RAD54B: variants seen among roughly 807,000 people sequenced by gnomAD.
The protein encoded by RAD54B is DNA repair and recombination protein RAD54B.
Under a neutral mutation model 95.8 loss-of-function variants are expected in RAD54B, and 78 were observed. That is an observed-to-expected ratio of 0.81 (90% confidence interval 0.68 to 0.98). The LOEUF is 0.98. Among genes scored for constraint, RAD54B ranks in the 50% least tolerant of loss-of-function variants. RAD54B has a pLI of 0.00. For synonymous variants in RAD54B, 328 were observed against 354.9 expected (o/e 0.92, Z 0.85); for missense variants, 957 against 1,056.6 (o/e 0.91, Z 1.31).
At chr8:94,442,368 C>A (rs1019108688) in intron 3 of RAD54B, among the ~76,000 whole-genome samples, 10 of 150,596 alleles carry the variant, frequency 6.6e-5, no homozygotes, top group African/African-American at 1.7e-4. Flanking sequence ...GGTCAGGAAT[C>A]AAGACCATCC....
At chr8:94,440,201 T>A (rs970494633) in intron 3 of RAD54B, among the ~76,000 whole-genome samples, 62 of 147,686 alleles carry the variant, frequency 4.2e-4, no homozygotes, top group Non-Finnish European at 7.7e-4. Flanking sequence ...TAGGCAAGAT[T>A]AAAAAAAAAA....
chr8:94,471,158 C>G (rs1209777104), intron 1 of RAD54B, among the ~76,000 whole-genome samples: 1 of 151,656 alleles, frequency 6.6e-6, no homozygotes, highest in African/African-American at 2.4e-5. Flanking sequence ...TCCCTCTGAG[C>G]TATTAACTCA....
chr8:94,434,280 C>T (rs3019154), intron 3 of RAD54B, among the ~76,000 whole-genome samples: 61,557 of 151,426 alleles, frequency 0.41, 12,668 homozygotes, highest in Admixed American at 0.51. Context: ...AAATATGCCT[C>T]ATATCTGGAA....
At chr8:94,411,048 C>T in intron 4 of RAD54B, 73 bp downstream of exon 4, 1 of 1,186,476 alleles carries the variant, frequency 8.4e-7, no homozygotes, top group Non-Finnish European at 1.2e-6. Flanking sequence ...AACCCAATTA[C>T]ATTTCAATTA....
intron 3 of RAD54B, among the ~76,000 whole-genome samples, chr8:94,426,051 C>G (rs1811934736): frequency 6.6e-6 from 1 of 152,110 alleles, no homozygotes; most frequent in Non-Finnish European, 1.5e-5. Flanking sequence ...CTCCCAGATT[C>G]AAGCAATTTT....
At chr8:94,376,837 G>C (rs1810587916) in intron 14 of RAD54B, among the ~76,000 whole-genome samples, 1 of 150,286 alleles carries the variant, frequency 6.7e-6, no homozygotes, top group African/African-American at 2.4e-5. Flanking sequence ...TGTACCTAAA[G>C]AGAAACATTT....
chr8:94,395,851 AC>A (rs1811130414), intron 8 of RAD54B, among the ~76,000 whole-genome samples: 1 of 152,200 alleles, frequency 6.6e-6, no homozygotes, highest in Non-Finnish European at 1.5e-5. Context: ...AGAGCAGAAG[AC>A]ATAACCAGAA....
At chr8:94,414,034 C>T (rs1811594158) in intron 3 of RAD54B, among the ~76,000 whole-genome samples, 2 of 151,956 alleles carry the variant, frequency 1.3e-5, no homozygotes, top group South Asian at 4.2e-4. Context: ...CGGGGTTTCA[C>T]CAGGTTGGCC....
intron 3 of RAD54B, among the ~76,000 whole-genome samples, chr8:94,418,053 A>G (rs1811717678): frequency 6.6e-6 from 1 of 152,194 alleles, no homozygotes; most frequent in Non-Finnish European, 1.5e-5. Flanking sequence ...TTCCTTCCCT[A>G]ATGAGAGTGT....
At chr8:94,420,627 T>G (rs1811782292) in intron 3 of RAD54B, among the ~76,000 whole-genome samples, 1 of 151,992 alleles carries the variant, frequency 6.6e-6, no homozygotes, top group Non-Finnish European at 1.5e-5. Context: ...GTCAAGATTA[T>G]TATGTAATAT....
At position 94,387,150 on chromosome 8, in the gene RAD54B, AT is replaced by A. The variant is rs1375196976; in HGVS notation, c.1818del (p.Glu606AspfsTer19). The A allele has an allele frequency of 6.3e-7, 1 of 1,589,020 alleles. No individual in the cohort carries two copies. Among genetic ancestry groups the A allele is most frequent in the Non-Finnish European group, 8.5e-7 (1 of 1,171,838 alleles). ...CLLFNSIKEKECSSTCDKNEE... is the reference protein window; with the variant it reads ...CLLFNSIKEKXCSSTCDKNEE... ...TCATTTTTATCACAAGTTGAGCTAC[AT>A]TCCTTTTCCTATTCAAAATGATGAT... On this transcript the variant is annotated frameshift_variant, in exon 11 of 15. Transcript: ENST00000336148. LOFTEE classifies it high-confidence loss of function.
intron 3 of RAD54B, chr8:94,432,767 A>G (rs1812146131): frequency 2.3e-6 from 3 of 1,288,724 alleles, no homozygotes; most frequent in Non-Finnish European, 3.0e-6. Context: ...TTAAAACTAT[A>G]AAGTTACAAA....
At chr8:94,439,402 C>T (rs1213418289) in intron 3 of RAD54B, among the ~76,000 whole-genome samples, 1 of 152,160 alleles carries the variant, frequency 6.6e-6, no homozygotes, top group Non-Finnish European at 1.5e-5. Context: ...CTACTCCAGG[C>T]AGCATTAAAA....
chr8:94,431,687 A>T (rs760523832), intron 3 of RAD54B: 69 of 983,016 alleles, frequency 7.0e-5, no homozygotes, highest in Non-Finnish European at 7.4e-5. Flanking sequence ...CCTTCAAAAG[A>T]TAAAAGCATA....
intron 3 of RAD54B, chr8:94,431,969 A>G: frequency 1.5e-6 from 2 of 1,303,314 alleles, no homozygotes; most frequent in Non-Finnish European, 9.8e-7. Flanking sequence ...GTAAATTTTA[A>G]TATCTCAAAA....
chr8:94,464,732 C>T (rs1214095419), intron 2 of RAD54B, among the ~76,000 whole-genome samples: 1 of 152,018 alleles, frequency 6.6e-6, no homozygotes, highest in Non-Finnish European at 1.5e-5. Flanking sequence ...TAAAGGAATA[C>T]CTGAGACAGG....
chr8:94,445,834 A>C (rs1379288916), intron 3 of RAD54B, among the ~76,000 whole-genome samples: 1 of 152,108 alleles, frequency 6.6e-6, no homozygotes, highest in Admixed American at 6.6e-5. Flanking sequence ...CTTAGGCTTA[A>C]GTACATTAAT....
chr8:94,456,333 T>C (rs1353927806), intron 3 of RAD54B, among the ~76,000 whole-genome samples: 1 of 152,188 alleles, frequency 6.6e-6, no homozygotes, highest in African/African-American at 2.4e-5. Flanking sequence ...AAACTGAAAC[T>C]AGCTTAAGCA....
At chr8:94,458,910 C>T (rs77113486) in intron 2 of RAD54B, among the ~76,000 whole-genome samples, 15,513 of 151,772 alleles carry the variant, frequency 0.1, 1,509 homozygotes, top group African/African-American at 0.24. Context: ...ATTTTTATTG[C>T]TTGTTTTTAG....
Sources: allele counts gnomAD v4.1 joint callset (sites outside exome capture counted in the v4.1 genomes callset), GRCh38; gene constraint gnomAD v4.1.1; transcripts MANE v1.5; gene names NCBI Gene and HGNC (gene_info 2026-07-23, HGNC 2026-07-21).